YTHDF1: variants seen among roughly 807,000 people sequenced by gnomAD.
YTHDF1 encodes YTH N6-methyladenosine RNA binding protein F1, also known as YTH domain-containing family protein 1.
A neutral mutation model predicts 49.1 loss-of-function variants in YTHDF1; 16 were observed. That is an observed-to-expected ratio of 0.33 (90% CI 0.22 to 0.49). The LOEUF is 0.49. Ranked by LOEUF, YTHDF1 falls within the 20% of genes least tolerant of loss-of-function variation. The pLI, the probability that YTHDF1 is intolerant of heterozygous loss-of-function variation, is 0.99. For missense variants in YTHDF1, 621 were observed against 744.3 expected (o/e 0.83, Z 1.93); for synonymous variants, 313 against 290.1 (o/e 1.08, Z -0.80).
chr20:63,211,516 A>G (rs529229569), intron 3 of YTHDF1, among the ~76,000 whole-genome samples: 224 of 152,322 alleles, frequency 1.5e-3, no homozygotes, highest in Middle Eastern at 3.4e-3. Flanking sequence ...AACTGTGGCC[A>G]TGGCTCCAAA....
rs764482892 is a variant in YTHDF1, at chr20:63,202,654, C to T, written c.1286G>A (p.Ser429Asn). 1 of 1,613,874 alleles carries T rather than the reference C, an allele frequency of 6.2e-7. No homozygotes were observed. The highest frequency in any genetic ancestry group is 1.1e-5 in the South Asian group (1 of 91,088). Residue 429 changes from serine to asparagine, a missense_variant, in exon 4 of 5, where the codon AGC (serine) becomes AAC (asparagine). By Grantham distance (46) the Ser-to-Asn change is conservative. Coordinates refer to ENST00000370339, the MANE Select transcript of YTHDF1 (RefSeq NM_017798.4). ...GAGCAGGTAGACGGGCCCCTTGCTG[C>T]TCATGCAGCGGAAGGCGCTGTCCAG... ...KRLDSAFRCM[S>N]SKGPVYLLFS...
chr20:63,210,388 T>C (rs2066568430), intron 3 of YTHDF1, among the ~76,000 whole-genome samples: 1 of 152,164 alleles, frequency 6.6e-6, no homozygotes, highest in Non-Finnish European at 1.5e-5. Flanking sequence ...CAGTGTCTTC[T>C]AAACTCTGAG....
chr20:63,216,117 GGCGGCGGCGGCGACA>G (rs1215730738), exon 1 of YTHDF1: 1 of 172,458 alleles, frequency 5.8e-6, no homozygotes, highest in Non-Finnish European at 1.1e-5. Context: ...CTCCAATGGC[GGCGGCGGCGGCGACA>G]GCAGCGGCGA....
At chr20:63,197,222 C>T (rs970020600) in intron 4 of YTHDF1, among the ~76,000 whole-genome samples, 5 of 152,198 alleles carry the variant, frequency 3.3e-5, no homozygotes, top group African/African-American at 1.2e-4. Flanking sequence ...AACTGGCTAA[C>T]AAGGTGCTGT....
chr20:63,210,720 G>A (rs1422059437), intron 3 of YTHDF1, among the ~76,000 whole-genome samples: 2 of 152,182 alleles, frequency 1.3e-5, no homozygotes, highest in South Asian at 4.2e-4. Flanking sequence ...CCAGGGAGGT[G>A]GAGGCTGCAG....
In YTHDF1 at chr20:63,202,842, G is replaced by A. The variant is rs780707993; in HGVS notation, c.1098C>T (p.Pro366=). The change falls in exon 4 of 5, where the codon CCC becomes CCT. Residue 366 remains proline, a synonymous_variant. Coordinates refer to ENST00000370339, the MANE Select transcript of YTHDF1 (RefSeq NM_017798.4). The part of the protein sequence containing the change: ...PNSAPSVESH[P]VLEKLKAAHS... ...GAGCAGCCTTCAGTTTTTCAAGGACGGGGTGGGATTCGACGCTGGGGGCAG... is the reference window on the plus strand; with the variant it reads ...GAGCAGCCTTCAGTTTTTCAAGGACAGGGTGGGATTCGACGCTGGGGGCAG... 20 of 1,613,804 alleles carry A rather than the reference G, an allele frequency of 1.2e-5. No homozygotes were observed. Among genetic ancestry groups the A allele is most frequent in the Admixed American group, 5.0e-5 (3 of 60,008 alleles).
Position 63,202,749 on chromosome 20 carries a change from G to A in YTHDF1, c.1191C>T (p.Tyr397=), listed in dbSNP as rs542317169. Reference sequence around the variant, plus strand: ...TGGAGCGGTGGATGTCGTCCTCAGAGTAGCTCTTGATGATGAACACACGCC... The same window carrying A: ...TGGAGCGGTGGATGTCGTCCTCAGAATAGCTCTTGATGATGAACACACGCC... ...KSGRVFIIKS[Y]SEDDIHRSIK... Residue 397 remains tyrosine (Y), a synonymous_variant, in exon 4 of 5, where the codon TAC becomes TAT. Transcript: ENST00000370339. 5.4e-5 allele frequency: 87 copies of A among 1,614,218 alleles called. No individual in the cohort carries two copies. The highest frequency in any genetic ancestry group is 1.6e-4 in the Middle Eastern group (1 of 6,062).
At chr20:63,214,665 T>A (rs1419607109) in intron 2 of YTHDF1, among the ~76,000 whole-genome samples, 1 of 152,112 alleles carries the variant, frequency 6.6e-6, no homozygotes, top group Admixed American at 6.5e-5. Flanking sequence ...AACGGCTGCA[T>A]TCTTTCGAGT....
chr20:63,201,706 T>C (rs2066518221), intron 4 of YTHDF1, among the ~76,000 whole-genome samples: 1 of 152,226 alleles, frequency 6.6e-6, no homozygotes, highest in African/African-American at 2.4e-5. Flanking sequence ...ACGACCTAGA[T>C]GGAGTGAGTT....
In YTHDF1 at chr20:63,195,494, G is replaced by T. The variant is rs2066488575; in HGVS notation, c.*1214C>A. ...AGAGGAAAAACCCAATGTCGTCCAGGACTCCATTCAGGCAGTAACAGTTCA... is the reference window on the plus strand; with the variant it reads ...AGAGGAAAAACCCAATGTCGTCCAGTACTCCATTCAGGCAGTAACAGTTCA... On this transcript the variant is annotated 3_prime_UTR_variant, in exon 5 of 5. Transcript: ENST00000370339. 6.6e-6 allele frequency: 1 copy of T among 152,618 alleles called. No individual in the cohort carries two copies. Among genetic ancestry groups the T allele is most frequent in the Non-Finnish European group, 1.5e-5 (1 of 68,036 alleles). The allele number at this position is 152,618 out of a possible 1,614,324, so 9.5% of individuals were successfully genotyped here.
chr20:63,198,001 C>CAAAAA (rs2066500274), intron 4 of YTHDF1, among the ~76,000 whole-genome samples: 1 of 152,148 alleles, frequency 6.6e-6, no homozygotes, highest in African/African-American at 2.4e-5. Flanking sequence ...GAGAAGGCTC[C>CAAAAA]AGAGTATTTG....
intron 3 of YTHDF1, among the ~76,000 whole-genome samples, chr20:63,206,003 G>A (rs1341385328): frequency 6.7e-6 from 1 of 150,198 alleles, no homozygotes; most frequent in Non-Finnish European, 1.5e-5. Context: ...TGCTGCCCTG[G>A]CCAACAGGCC....
Position 63,215,717 on chromosome 20 carries a change from G to C in YTHDF1, c.28-116C>G, listed in dbSNP as rs1372906739. The C allele has an allele frequency of 4.3e-6, 6 of 1,399,602 alleles. No individual in the cohort carries two copies. In the African/African-American group the frequency reaches 7.6e-5, roughly 18 times the overall value. 86.7% of individuals were successfully genotyped at this position (1,399,602 alleles called of 1,614,324 possible). ...GGCCGCGAGCTCCGCCGGCCCCGAC[G>C]CGCGGTCACGTGCGACCCCGGCCCC... On this transcript the variant is annotated intron_variant, in intron 1 of 4. Coordinates refer to ENST00000370339, the MANE Select transcript of YTHDF1 (RefSeq NM_017798.4).
chr20:63,206,417 G>A (rs545840501), intron 3 of YTHDF1, among the ~76,000 whole-genome samples: 16 of 152,248 alleles, frequency 1.1e-4, no homozygotes, highest in Non-Finnish European at 1.3e-4. Flanking sequence ...CTGAAAATCC[G>A]TTTTAAGTAT....
chr20:63,207,943 A>G (rs2066555883), intron 3 of YTHDF1, among the ~76,000 whole-genome samples: 1 of 151,854 alleles, frequency 6.6e-6, no homozygotes, highest in African/African-American at 2.4e-5. Flanking sequence ...ATGAGCCAAG[A>G]TCACGCCACT....
chr20:63,215,716 C>A, intron 1 of YTHDF1, 115 bp from the exon 2 acceptor site: 1 of 1,407,116 alleles, frequency 7.1e-7, no homozygotes, highest in Non-Finnish European at 9.2e-7. Flanking sequence ...CCGGCCCCGA[C>A]GCGCGGTCAC....
intron 3 of YTHDF1, among the ~76,000 whole-genome samples, chr20:63,205,756 G>A (rs1298923365): frequency 2.0e-5 from 3 of 152,140 alleles, no homozygotes; most frequent in Non-Finnish European, 1.5e-5. Flanking sequence ...TGATCCACCC[G>A]CCTCGGCCTC....
chr20:63,205,941 C>G (rs945887104), intron 3 of YTHDF1, among the ~76,000 whole-genome samples: 11 of 152,144 alleles, frequency 7.2e-5, no homozygotes, highest in Non-Finnish European at 1.5e-5. Context: ...CTTATTCTCC[C>G]TCAAAACAGT....
chr20:63,210,446 C>CA (rs1568994338), intron 3 of YTHDF1, among the ~76,000 whole-genome samples: 1 of 152,134 alleles, frequency 6.6e-6, no homozygotes, highest in Non-Finnish European at 1.5e-5. Context: ...CAGAAAACAA[C>CA]AGAGAACTGG....
Sources: allele counts gnomAD v4.1 joint callset (sites outside exome capture counted in the v4.1 genomes callset), GRCh38; gene constraint gnomAD v4.1.1; transcripts MANE v1.5; gene names NCBI Gene and HGNC (gene_info 2026-07-23, HGNC 2026-07-21).